Variants in RNGTT observed in about 807,000 individuals in gnomAD.
The protein encoded by RNGTT is mRNA-capping enzyme.
RNGTT carries 33 observed loss-of-function variants against 79.3 expected under a neutral mutation model. The observed-to-expected ratio is 0.42, with a 90% CI of 0.32 to 0.56. The LOEUF is 0.56. Ranked by LOEUF, RNGTT falls within the 20% of genes least tolerant of loss-of-function variation. RNGTT has a pLI of 0.17. For synonymous variants in RNGTT, 222 were observed against 235.9 expected (o/e 0.94, Z 0.54); for missense variants, 497 against 739.1 (o/e 0.67, Z 3.80).
intron 11 of RNGTT, among the ~76,000 whole-genome samples, chr6:88,838,000 CTT>C (rs1202374084): frequency 6.6e-6 from 1 of 152,016 alleles, no homozygotes; most frequent in Non-Finnish European, 1.5e-5. Flanking sequence ...ACTATTTACA[CTT>C]AATATGAATA....
At chr6:88,937,704 C>G (rs1784711932) in intron 2 of RNGTT, among the ~76,000 whole-genome samples, 1 of 152,154 alleles carries the variant, frequency 6.6e-6, no homozygotes, top group Non-Finnish European at 1.5e-5. Flanking sequence ...CTTCTTAGCA[C>G]TGCTTTGCTG....
intron 14 of RNGTT, among the ~76,000 whole-genome samples, chr6:88,628,894 G>A (rs1772736528): frequency 6.6e-6 from 1 of 152,120 alleles, no homozygotes; most frequent in Admixed American, 6.6e-5. Context: ...AGCTAATGGA[G>A]CATCCTTTGC....
intron 1 of RNGTT, among the ~76,000 whole-genome samples, chr6:88,945,917 C>T (rs1430341920): frequency 6.6e-6 from 1 of 152,170 alleles, no homozygotes; most frequent in Non-Finnish European, 1.5e-5. Context: ...AAGACTCTAG[C>T]GAGTTGCTAA....
At chr6:88,649,513 C>G (rs1055636781) in intron 14 of RNGTT, among the ~76,000 whole-genome samples, 1 of 152,046 alleles carries the variant, frequency 6.6e-6, no homozygotes, top group Non-Finnish European at 1.5e-5. Context: ...CTGGCTAACA[C>G]GGTGAAACCA....
At chr6:88,739,729 A>ATATATATATATATATG (rs1562227267) in intron 13 of RNGTT, among the ~76,000 whole-genome samples, 27 of 10,924 alleles carry the variant, frequency 2.5e-3, no homozygotes, top group Non-Finnish European at 4.4e-3. Context: ...AAAAAATTAT[A>ATATATATATATATATG]TATATATATA....
chr6:88,631,402 G>T (rs1315045407), intron 14 of RNGTT, among the ~76,000 whole-genome samples: 1 of 152,114 alleles, frequency 6.6e-6, no homozygotes, highest in Admixed American at 6.5e-5. Context: ...GAATCCCTCT[G>T]GTATTTGATG....
At chr6:88,945,938 G>T (rs182578859) in intron 1 of RNGTT, among the ~76,000 whole-genome samples, 7 of 152,354 alleles carry the variant, frequency 4.6e-5, no homozygotes, top group Admixed American at 3.9e-4. Flanking sequence ...TCAGAGAAGA[G>T]TAGCCTGGGA....
At chr6:88,811,051 G>A (rs544161779) in intron 11 of RNGTT, among the ~76,000 whole-genome samples, 3 of 152,240 alleles carry the variant, frequency 2.0e-5, no homozygotes, top group Non-Finnish European at 2.9e-5. Context: ...CTTCAGAAAC[G>A]TGGTTCTACT....
At chr6:88,938,787 T>G (rs1031286208) in intron 2 of RNGTT, among the ~76,000 whole-genome samples, 2 of 152,228 alleles carry the variant, frequency 1.3e-5, no homozygotes, top group Non-Finnish European at 2.9e-5. Flanking sequence ...TCTAACGCAT[T>G]TCTTACAGGA....
intron 11 of RNGTT, among the ~76,000 whole-genome samples, chr6:88,842,368 C>A (rs1208642581): frequency 6.6e-6 from 1 of 151,778 alleles, no homozygotes; most frequent in Non-Finnish European, 1.5e-5. Flanking sequence ...AACACTAGAT[C>A]TGGTAAATAT....
At chr6:88,636,538 T>C (rs754224157) in intron 14 of RNGTT, among the ~76,000 whole-genome samples, 1 of 152,000 alleles carries the variant, frequency 6.6e-6, no homozygotes, top group Non-Finnish European at 1.5e-5. Flanking sequence ...CTCAAAGCAA[T>C]AATTTAATTT....
chr6:88,821,059 A>G (rs1051552488), intron 11 of RNGTT, among the ~76,000 whole-genome samples: 1 of 152,118 alleles, frequency 6.6e-6, no homozygotes, highest in Non-Finnish European at 1.5e-5. Flanking sequence ...AAAATTTACT[A>G]TACAGCTACA....
At chr6:88,801,359 C>G (rs768719097) in intron 12 of RNGTT, among the ~76,000 whole-genome samples, 7 of 152,088 alleles carry the variant, frequency 4.6e-5, no homozygotes, top group Admixed American at 3.3e-4. Context: ...GATGGGTGCT[C>G]ATTTTAGTAT....
intron 11 of RNGTT, among the ~76,000 whole-genome samples, chr6:88,807,598 A>G (rs1780000058): frequency 6.6e-6 from 1 of 152,186 alleles, no homozygotes; most frequent in Non-Finnish European, 1.5e-5. Flanking sequence ...AAGACAGAAC[A>G]TTTGTACAGC....
At chr6:88,772,503 A>G (rs1428447412) in intron 12 of RNGTT, among the ~76,000 whole-genome samples, 1 of 152,168 alleles carries the variant, frequency 6.6e-6, no homozygotes. Flanking sequence ...GCTTCTGCAC[A>G]GCAAAAGAAA....
Position 88,891,933 on chromosome 6 carries a change from GAAA to G in RNGTT, c.685-21_685-19del. ...ATAGCGCCCTTTAAAAAAAAAATAA[GAAA>G]AATAAGGGAAAGAAAAATATTTTAT... On this transcript the variant is annotated intron_variant, in intron 6 of 15. Transcript: ENST00000369485. 1 of 1,445,316 alleles carries G rather than the reference GAAA, an allele frequency of 6.9e-7. No individual in the cohort carries two copies. Among genetic ancestry groups the G allele is most frequent in the Non-Finnish European group, 9.3e-7 (1 of 1,070,558 alleles). The allele number at this position is 1,445,316 out of a possible 1,614,324, so 89.5% of individuals were successfully genotyped here.
intron 12 of RNGTT, among the ~76,000 whole-genome samples, chr6:88,799,246 G>GT (rs997823512): frequency 4.6e-5 from 7 of 151,976 alleles, no homozygotes; most frequent in African/African-American, 1.4e-4. Flanking sequence ...ATTCAAAGAT[G>GT]TTCCAATTAA....
chr6:88,918,577 G>A (rs1037980200), intron 4 of RNGTT, among the ~76,000 whole-genome samples: 3 of 152,030 alleles, frequency 2.0e-5, no homozygotes, highest in Admixed American at 6.6e-5. Flanking sequence ...AACGATATAA[G>A]TGAAATTAAG....
intron 11 of RNGTT, among the ~76,000 whole-genome samples, chr6:88,805,251 G>T (rs888911137): frequency 6.6e-6 from 1 of 152,284 alleles, no homozygotes. Flanking sequence ...GCAGCCATAA[G>T]TGAGTACAAA....
Sources: allele counts gnomAD v4.1 joint callset (sites outside exome capture counted in the v4.1 genomes callset), GRCh38; gene constraint gnomAD v4.1.1; transcripts MANE v1.5; gene names NCBI Gene and HGNC (gene_info 2026-07-23, HGNC 2026-07-21).